Variants in SPAG16 observed in about 807,000 individuals in gnomAD.
SPAG16 encodes sperm associated antigen 16.
In SPAG16, 86 loss-of-function variants were observed where a neutral mutation model predicts 80.4. The observed-to-expected ratio is 1.07, with a 90% confidence interval of 0.90 to 1.28. The LOEUF (loss-of-function observed/expected upper bound fraction) is 1.28, where lower values mean the gene tolerates loss of function less well. SPAG16 is among the 50% of genes most tolerant of loss of function. The pLI is 0.00. For missense variants in SPAG16, 870 were observed against 765.3 expected, an observed-to-expected ratio of 1.14 and a Z score of -1.61; for synonymous variants, 294 against 265.9, an observed-to-expected ratio of 1.11 and a Z score of -1.03.
At chr2:213,328,558 T>C (rs141337329) in intron 5 of SPAG16, among the ~76,000 whole-genome samples, 1 of 152,326 alleles carries the variant, frequency 6.6e-6, no homozygotes, top group East Asian at 1.9e-4. Context: ...GTAAGGATGA[T>C]GCCAAACAGT....
intron 9 of SPAG16, among the ~76,000 whole-genome samples, chr2:213,395,177 C>G (rs982780415): frequency 6.6e-6 from 1 of 151,906 alleles, no homozygotes; most frequent in African/African-American, 2.4e-5. Flanking sequence ...TTCAAACAAC[C>G]AGCTTTTTTG....
intron 10 of SPAG16, among the ~76,000 whole-genome samples, chr2:213,638,172 G>C (rs943161370): frequency 2.6e-5 from 4 of 151,936 alleles, no homozygotes; most frequent in African/African-American, 9.7e-5. Context: ...TCTATCAATT[G>C]TGTTTATCTT....
At chr2:213,990,050 G>A (rs1353000201) in intron 12 of SPAG16, among the ~76,000 whole-genome samples, 4 of 152,014 alleles carry the variant, frequency 2.6e-5, no homozygotes, top group African/African-American at 4.8e-5. Context: ...CTGACATGGG[G>A]TGATCTTTAT....
chr2:214,133,139 A>AAC (rs2054871624), intron 14 of SPAG16, among the ~76,000 whole-genome samples: 1 of 149,524 alleles, frequency 6.7e-6, no homozygotes, highest in African/African-American at 2.4e-5. Context: ...TAAAAAAAAA[A>AAC]CCTACCATTA....
intron 10 of SPAG16, among the ~76,000 whole-genome samples, chr2:213,821,535 C>G (rs1245298818): frequency 6.6e-6 from 1 of 152,038 alleles, no homozygotes; most frequent in Non-Finnish European, 1.5e-5. Context: ...TCTTTCAAGC[C>G]TTCATCTTTT....
chr2:213,565,660 A>T (rs1325266522), intron 10 of SPAG16, among the ~76,000 whole-genome samples: 1 of 152,204 alleles, frequency 6.6e-6, no homozygotes, highest in Non-Finnish European at 1.5e-5. Context: ...CAGGAAGCGA[A>T]ACTTAGAAAT....
At chr2:213,420,384 G>A (rs2069512856) in intron 9 of SPAG16, among the ~76,000 whole-genome samples, 1 of 152,182 alleles carries the variant, frequency 6.6e-6, no homozygotes, top group African/African-American at 2.4e-5. Flanking sequence ...GATAGTACCT[G>A]TTTTTGAGAT....
chr2:214,387,481 T>C (rs931764501), intron 15 of SPAG16, among the ~76,000 whole-genome samples: 123 of 152,340 alleles, frequency 8.1e-4, no homozygotes, highest in African/African-American at 2.8e-3. Context: ...AAGGTGATAT[T>C]ATTCCAATTG....
At chr2:214,366,143 T>A (rs1046003715) in intron 15 of SPAG16, among the ~76,000 whole-genome samples, 4 of 152,032 alleles carry the variant, frequency 2.6e-5, no homozygotes, top group African/African-American at 7.2e-5. Flanking sequence ...CACTCCTAAC[T>A]AATTTTTGTA....
chr2:214,142,833 G>A (rs1488083105), intron 14 of SPAG16, among the ~76,000 whole-genome samples: 1 of 152,150 alleles, frequency 6.6e-6, no homozygotes, highest in East Asian at 1.9e-4. Flanking sequence ...GGTTTTAGCA[G>A]TAAGTTGATG....
intron 10 of SPAG16, among the ~76,000 whole-genome samples, chr2:213,715,436 AC>A (rs1182802944): frequency 2.6e-5 from 4 of 151,920 alleles, no homozygotes; most frequent in African/African-American, 9.7e-5. Flanking sequence ...ACAAGCGCTT[AC>A]CACCATGAAC....
intron 15 of SPAG16, among the ~76,000 whole-genome samples, chr2:214,272,913 G>A (rs1404212266): frequency 6.6e-6 from 1 of 151,778 alleles, no homozygotes; most frequent in Admixed American, 6.6e-5. Flanking sequence ...CACCAACAGT[G>A]TAAAAGTGTT....
chr2:214,270,910 C>T (rs1258858990), intron 15 of SPAG16, among the ~76,000 whole-genome samples: 3 of 152,102 alleles, frequency 2.0e-5, no homozygotes. Context: ...TCTTCTAAAA[C>T]AAAGTATAAG....
chr2:213,430,964 A>C (rs2070256724), intron 9 of SPAG16, among the ~76,000 whole-genome samples: 1 of 152,202 alleles, frequency 6.6e-6, no homozygotes, highest in East Asian at 1.9e-4. Context: ...CCCAAATTTT[A>C]TATCTTGCCA....
intron 10 of SPAG16, among the ~76,000 whole-genome samples, chr2:213,626,639 C>T (rs1274369508): frequency 1.4e-5 from 2 of 139,070 alleles, no homozygotes; most frequent in Admixed American, 7.6e-5. Context: ...CTATCGGGCT[C>T]AATTTTTTTT....
rs1402763333 is a variant in SPAG16, at chr2:213,966,450, TAGAAG to T, written c.1400+36308_1400+36312del. Among the ~76,000 whole-genome samples the T allele has an allele frequency of 4.6e-5, 7 of 152,192 alleles. No homozygotes were observed. The East Asian group carries it at 1.3e-3, about 29-fold the overall frequency. ...AAGAAATGCTTCTAATATTAGATGT[TAGAAG>T]AGGAGAAGCAAACTTTATATGCTGT... On this transcript the variant is annotated intron_variant, in intron 12 of 15. Coordinates refer to ENST00000331683, the MANE Select transcript of SPAG16 (RefSeq NM_024532.5).
intron 13 of SPAG16, among the ~76,000 whole-genome samples, chr2:214,041,313 T>G (rs2048994147): frequency 1.3e-5 from 2 of 151,996 alleles, no homozygotes; most frequent in African/African-American, 4.8e-5. Flanking sequence ...TGTTACTTTT[T>G]GGGGGTTGCA....
chr2:214,348,264 G>A (rs1407880945), intron 15 of SPAG16, among the ~76,000 whole-genome samples: 6 of 152,176 alleles, frequency 3.9e-5, no homozygotes, highest in Non-Finnish European at 8.8e-5. Context: ...GAGCCACACA[G>A]GATAAGACTT....
At chr2:213,821,804 GA>G (rs1416016842) in intron 10 of SPAG16, among the ~76,000 whole-genome samples, 14 of 152,176 alleles carry the variant, frequency 9.2e-5, no homozygotes, top group Non-Finnish European at 4.4e-5. Context: ...GAGAATGTAA[GA>G]AGTTTGTCTA....
Sources: allele counts gnomAD v4.1 joint callset (sites outside exome capture counted in the v4.1 genomes callset), GRCh38; gene constraint gnomAD v4.1.1; transcripts MANE v1.5; gene names NCBI Gene and HGNC (gene_info 2026-07-23, HGNC 2026-07-21).